Variants in SYAP1 observed in about 807,000 individuals in gnomAD.
The protein encoded by SYAP1 is synapse-associated protein 1.
In SYAP1, 3 loss-of-function variants were observed where a neutral mutation model predicts 29.6. The observed-to-expected ratio is 0.10, with a 90% CI of 0.05 to 0.26. The LOEUF (loss-of-function observed/expected upper bound fraction) is 0.26. Ranked by LOEUF, SYAP1 falls within the 10% of genes least tolerant of loss-of-function variation. SYAP1 has a pLI of 1.00. For synonymous variants in SYAP1, 102 were observed against 102.7 expected (o/e 0.99, Z 0.04); for missense variants, 217 against 264.1 (o/e 0.82, Z 1.24).
At position 16,741,786 on chromosome X, in the gene SYAP1, A is replaced by T; in HGVS notation, c.432A>T (p.Ser144=). The T allele has an allele frequency of 8.4e-7, 1 of 1,187,429 alleles. No homozygotes were observed. The highest frequency in any genetic ancestry group is 1.1e-6 in the Non-Finnish European group (1 of 875,686). The change falls in exon 4 of 9, where the codon TCA becomes TCT. Residue 144 remains serine (S), a synonymous_variant. Transcript: ENST00000380155. ...TTCAACAACAAATTTTGGCCTTATC[A>T]GCTGTAAGTATCTTGTGGTACCCCA... ...ETIQQQILAL[S]ADKRNFLRDP... is the part of the protein sequence containing the mutation.
At position 16,719,908 on chromosome X, in the gene SYAP1, A is replaced by G. The variant is rs775680294; in HGVS notation, c.175+9A>G. On this transcript the variant is annotated intron_variant, in intron 1 of 8. Coordinates refer to ENST00000380155, the MANE Select transcript of SYAP1 (RefSeq NM_032796.4). ...GGCCAAAGACTTCGGCAGTGAGTCT[A>G]CCCTGGCTCTGGGACCGGGAAGGGG... The G allele has an allele frequency of 8.6e-6, 10 of 1,165,048 alleles. No homozygotes were observed. The highest frequency in any genetic ancestry group is 5.2e-5 in the Admixed American group (2 of 38,164).
At chrX:16,741,669 T>A in intron 3 of SYAP1, 47 bp from the exon 4 acceptor site, 1 of 1,002,608 alleles carries the variant, frequency 1.0e-6, no homozygotes, top group Non-Finnish European at 1.4e-6. Context: ...GTAACCATCA[T>A]GACCTATTTT....
chrX:16,752,873 C>G (rs1926766352), intron 5 of SYAP1, among the ~76,000 whole-genome samples: 1 of 111,264 alleles, frequency 9.0e-6, no homozygotes, highest in Admixed American at 9.7e-5. Flanking sequence ...TGTGAATACT[C>G]TATTCATCAG....
chrX:16,721,239 C>G (rs751794031), intron 1 of SYAP1, among the ~76,000 whole-genome samples: 1 of 110,258 alleles, frequency 9.1e-6, no homozygotes, highest in Non-Finnish European at 1.9e-5. Context: ...AAGGGCCGAA[C>G]AGTTTTTCTG....
At chrX:16,730,978 C>G (rs1040145192) in intron 1 of SYAP1, among the ~76,000 whole-genome samples, 2 of 112,288 alleles carry the variant, frequency 1.8e-5, no homozygotes, top group African/African-American at 6.5e-5. Context: ...TAATATTTGA[C>G]CTGCATAATT....
chrX:16,746,733 G>T (rs760556429), intron 5 of SYAP1, among the ~76,000 whole-genome samples: 1 of 109,967 alleles, frequency 9.1e-6, no homozygotes, highest in Non-Finnish European at 1.9e-5. Flanking sequence ...GATTACAGAC[G>T]CATGCCACCA....
chrX:16,754,932 C>T lies in SYAP1; in HGVS notation c.576-13C>T. The T allele has an allele frequency of 8.3e-7, 1 of 1,207,690 alleles. No individual in the cohort carries two copies. Among genetic ancestry groups the T allele is most frequent in the Non-Finnish European group, 1.1e-6 (1 of 892,782 alleles). On this transcript the variant is annotated splice_polypyrimidine_tract_variant and intron_variant, in intron 5 of 8. Coordinates refer to ENST00000380155, the MANE Select transcript of SYAP1 (RefSeq NM_032796.4). ...GCCTTTTTCCACTGTTCTAATTTGC[C>T]TTTCTTTAAAAGTGTGAAGGAAGAA...
At chrX:16,730,161 C>G (rs930672451) in intron 1 of SYAP1, among the ~76,000 whole-genome samples, 1 of 111,549 alleles carries the variant, frequency 9.0e-6, no homozygotes, top group Non-Finnish European at 1.9e-5. Flanking sequence ...CGAGACCAGC[C>G]TGACCAACAT....
chrX:16,751,042 C>T (rs939635161), intron 5 of SYAP1, among the ~76,000 whole-genome samples: 1 of 109,130 alleles, frequency 9.2e-6, no homozygotes, highest in African/African-American at 3.3e-5. Context: ...GCTGGAATTA[C>T]AGGCATGAGC....
Position 16,719,929 on chromosome X carries a change from A to AG in SYAP1, c.175+38dup, listed in dbSNP as rs374264655. ...GTCTACCCTGGCTCTGGGACCGGGAAGGGGGGGGCGCATTCCTCCTCTGGG... is the reference window on the plus strand; with the variant it reads ...GTCTACCCTGGCTCTGGGACCGGGAAGGGGGGGGGCGCATTCCTCCTCTGGG... On this transcript the variant is annotated intron_variant, in intron 1 of 8. Coordinates refer to ENST00000380155, the MANE Select transcript of SYAP1 (RefSeq NM_032796.4). 4,363 of 1,119,952 alleles carry AG rather than the reference A, an allele frequency of 3.9e-3. 116 individuals carry two copies. The African/African-American group carries it at 0.07, about 18-fold the overall frequency. The allele number at this position is 1,119,952 out of a possible 1,213,427, so 92.3% of individuals were successfully genotyped here.
intron 5 of SYAP1, among the ~76,000 whole-genome samples, chrX:16,750,191 C>T (rs1926699431): frequency 8.9e-6 from 1 of 111,771 alleles, no homozygotes; most frequent in Non-Finnish European, 1.9e-5. Context: ...GCAGAAAGCA[C>T]ACCATAGCAT....
chrX:16,736,660 C>T (rs1363610653), intron 3 of SYAP1: 1 of 115,154 alleles, frequency 8.7e-6, no homozygotes, highest in Non-Finnish European at 1.8e-5. Flanking sequence ...CGAGCCACCA[C>T]ACCCAGCTAT....
At chrX:16,724,164 C>T (rs761869904) in intron 1 of SYAP1, among the ~76,000 whole-genome samples, 18 of 111,853 alleles carry the variant, frequency 1.6e-4, no homozygotes, top group Non-Finnish European at 2.8e-4. Context: ...GAAAAAGGCA[C>T]ATGGGGTGGA....
Position 16,719,622 on chromosome X carries a change from C to T in SYAP1, c.-103C>T. On this transcript the variant is annotated 5_prime_UTR_variant, in exon 1 of 9. Transcript: ENST00000380155. ...TGCGGCGGCTGCGGTGTTCCTCCGACTTCCGGACATCTCCCTGGGAGTCGC... is the reference window on the plus strand; with the variant it reads ...TGCGGCGGCTGCGGTGTTCCTCCGATTTCCGGACATCTCCCTGGGAGTCGC... 1.0e-6 allele frequency: 1 copy of T among 997,444 alleles called. No homozygotes were observed. 82.2% of individuals were successfully genotyped at this position (997,444 alleles called of 1,213,427 possible). A position where few individuals can be genotyped will look rare whatever the true frequency, so the allele number is the denominator to read the frequency against.
chrX:16,736,761 G>T (rs1407970049), intron 3 of SYAP1, among the ~76,000 whole-genome samples: 1 of 111,851 alleles, frequency 8.9e-6, no homozygotes, highest in South Asian at 3.7e-4. Context: ...GCCCGCCTTA[G>T]CCTCCCAAAG....
intron 1 of SYAP1, among the ~76,000 whole-genome samples, chrX:16,732,321 G>A (rs1926226216): frequency 9.0e-6 from 1 of 110,882 alleles, no homozygotes; most frequent in African/African-American, 3.3e-5. Context: ...GTTCAGGAAA[G>A]GCCTAGGCAA....
intron 1 of SYAP1, among the ~76,000 whole-genome samples, chrX:16,727,554 G>A (rs945972976): frequency 2.7e-5 from 3 of 111,837 alleles, no homozygotes; most frequent in Non-Finnish European, 5.6e-5. Context: ...TGTTGGTCAG[G>A]CTGGTCTCAA....
intron 5 of SYAP1, among the ~76,000 whole-genome samples, chrX:16,750,450 T>C (rs1183818832): frequency 9.0e-6 from 1 of 111,568 alleles, no homozygotes. Context: ...CCTGTGACCA[T>C]CTATGATGGC....
rs1445774908 is a variant in SYAP1, at chrX:16,762,071, G to T, written c.*1712G>T. 1 of 112,060 alleles carries T rather than the reference G, an allele frequency of 8.9e-6. No individual in the cohort carries two copies. The highest frequency in any genetic ancestry group is 1.9e-5 in the Non-Finnish European group (1 of 53,276). The allele number at this position is 112,060 out of a possible 1,213,427, so 9.2% of individuals were successfully genotyped here. On this transcript the variant is annotated 3_prime_UTR_variant, in exon 9 of 9. Coordinates refer to ENST00000380155, the MANE Select transcript of SYAP1 (RefSeq NM_032796.4). ...GGTTTCCACTTGTGGTGCCACAGTTGCTTATTACTGAGTTTGGGTTCCAAG... is the reference window on the plus strand; with the variant it reads ...GGTTTCCACTTGTGGTGCCACAGTTTCTTATTACTGAGTTTGGGTTCCAAG...
Sources: allele counts gnomAD v4.1 joint callset (sites outside exome capture counted in the v4.1 genomes callset), GRCh38; gene constraint gnomAD v4.1.1; transcripts MANE v1.5; gene names NCBI Gene and HGNC (gene_info 2026-07-23, HGNC 2026-07-21).